Variants in IRF2 observed in about 807,000 individuals in gnomAD.
The protein encoded by IRF2 is interferon regulatory factor 2.
Under a neutral mutation model 40.6 loss-of-function variants are expected in IRF2, and 15 were observed. The ratio of observed to expected loss-of-function variants is 0.37; its 90% CI spans 0.25 to 0.57. IRF2 has a LOEUF of 0.57. Ranked by LOEUF, IRF2 falls within the 20% of genes least tolerant of loss-of-function variation. The probability of loss-of-function intolerance (pLI) is 0.77; values close to 1 mark genes in which losing one functional copy is unlikely to be tolerated. For synonymous variants in IRF2, 151 were observed against 165.5 expected, an observed-to-expected ratio of 0.91 and a Z score of 0.67; for missense variants, 317 against 455.7, an observed-to-expected ratio of 0.70 and a Z score of 2.77.
chr4:184,450,503 T>G (rs569344130), intron 1 of IRF2, among the ~76,000 whole-genome samples: 1 of 152,334 alleles, frequency 6.6e-6, no homozygotes, highest in African/African-American at 2.4e-5. Flanking sequence ...ATGCAAACTA[T>G]TTCTGCTTAT....
intron 1 of IRF2, among the ~76,000 whole-genome samples, chr4:184,469,216 G>C (rs1189104055): frequency 1.3e-5 from 2 of 152,176 alleles, no homozygotes; most frequent in Admixed American, 1.3e-4. Flanking sequence ...GCCTCAGAAA[G>C]CCTAACGGGA....
At chr4:184,421,000 T>G (rs1168497086) in intron 2 of IRF2, among the ~76,000 whole-genome samples, 1 of 152,234 alleles carries the variant, frequency 6.6e-6, no homozygotes, top group Non-Finnish European at 1.5e-5. Context: ...GAGACCTGGA[T>G]TCTGTGGAGA....
chr4:184,421,530 G>A (rs1737482238), intron 2 of IRF2, among the ~76,000 whole-genome samples: 1 of 152,146 alleles, frequency 6.6e-6, no homozygotes, highest in South Asian at 2.1e-4. Flanking sequence ...TTCATTTCGT[G>A]AAAGAGCTTT....
At chr4:184,444,228 T>TAA (rs1738420408) in intron 1 of IRF2, among the ~76,000 whole-genome samples, 1 of 152,118 alleles carries the variant, frequency 6.6e-6, no homozygotes, top group African/African-American at 2.4e-5. Context: ...TACAGTATAG[T>TAA]GATAAAAATG....
At chr4:184,443,424 G>A (rs1047118969) in intron 1 of IRF2, among the ~76,000 whole-genome samples, 2 of 152,080 alleles carry the variant, frequency 1.3e-5, no homozygotes, top group African/African-American at 4.8e-5. Flanking sequence ...ATGTCCATGT[G>A]TACTCAGTGT....
intron 1 of IRF2, among the ~76,000 whole-genome samples, chr4:184,466,352 A>G (rs1739321408): frequency 6.6e-6 from 1 of 152,128 alleles, no homozygotes; most frequent in South Asian, 2.1e-4. Flanking sequence ...CGCACGGCCA[A>G]TCCCATCTGT....
At chr4:184,432,995 A>G (rs1402503659) in intron 1 of IRF2, among the ~76,000 whole-genome samples, 1 of 152,212 alleles carries the variant, frequency 6.6e-6, no homozygotes. Context: ...GAGAGCTGCA[A>G]AGGCCCTGAG....
chr4:184,405,436 C>G (rs1736820817), intron 6 of IRF2, among the ~76,000 whole-genome samples: 1 of 152,136 alleles, frequency 6.6e-6, no homozygotes, highest in Admixed American at 6.5e-5. Flanking sequence ...GGAGACCCAC[C>G]ACCAACCTCA....
intron 1 of IRF2, among the ~76,000 whole-genome samples, chr4:184,460,771 T>C (rs956725972): frequency 2.0e-5 from 3 of 152,080 alleles, no homozygotes; most frequent in African/African-American, 7.2e-5. Context: ...CAGTTTCCCC[T>C]TCAAGGCAAT....
At position 184,463,656 on chromosome 4, in the gene IRF2, A is replaced by AT. The variant is rs1434354448; in HGVS notation, c.-7+10722dup. ...ATTGGACAATATCGTGCATATATAT[A>AT]TATTTTTTTTTTGATGGGCTGTGGT... On this transcript the variant is annotated intron_variant, in intron 1 of 8. Transcript: ENST00000393593. Among the ~76,000 whole-genome samples the AT allele has an allele frequency of 3.7e-4, 56 of 151,682 alleles. 1 individual carries two copies. The South Asian group carries it at 4.4e-3, about 12-fold the overall frequency.
At chr4:184,468,035 C>T (rs1173594423) in intron 1 of IRF2, among the ~76,000 whole-genome samples, 1 of 152,198 alleles carries the variant, frequency 6.6e-6, no homozygotes, top group Non-Finnish European at 1.5e-5. Context: ...TCTTTGTCAA[C>T]TCCGCTCTTT....
chr4:184,412,588 CA>C lies in IRF2; in HGVS notation c.412-4314del, dbSNP rs1405286656. ...CGTGTAGGCTGACAGCTGGACTTCA[CA>C]AGCAGGTCAGGGAACTGGACCTTGG... On this transcript the variant is annotated intron_variant, in intron 5 of 8. Coordinates refer to ENST00000393593, the MANE Select transcript of IRF2 (RefSeq NM_002199.4). Among the ~76,000 whole-genome samples the C allele has an allele frequency of 2.0e-5, 3 of 152,220 alleles. No individual in the cohort carries two copies. In the East Asian group the frequency reaches 5.8e-4, roughly 29 times the overall value.
intron 1 of IRF2, among the ~76,000 whole-genome samples, chr4:184,435,738 A>G (rs376038578): frequency 6.6e-6 from 1 of 152,150 alleles, no homozygotes; most frequent in South Asian, 2.1e-4. Flanking sequence ...ATTGAACATC[A>G]GGATGCAGCT....
chr4:184,418,306 G>C lies in IRF2; in HGVS notation c.365-93C>G, dbSNP rs972840348. The stretch of plus-strand genomic sequence containing the variant: ...TTAAATTCTTTCTGAAACTCTCAAT[G>C]AACCTGTTGCTTTAATCTGTACATG... On this transcript the variant is annotated intron_variant, in intron 4 of 8. Coordinates refer to ENST00000393593, the MANE Select transcript of IRF2 (RefSeq NM_002199.4). 5.5e-6 allele frequency: 6 copies of C among 1,084,572 alleles called. No individual in the cohort carries two copies. In the African/African-American group the frequency reaches 7.7e-5, roughly 14 times the overall value. 67.2% of individuals were successfully genotyped at this position (1,084,572 alleles called of 1,614,324 possible).
chr4:184,460,594 G>A (rs1439711671), intron 1 of IRF2, among the ~76,000 whole-genome samples: 2 of 151,540 alleles, frequency 1.3e-5, no homozygotes, highest in Non-Finnish European at 2.9e-5. Context: ...TTAATTTCAG[G>A]CAACTTAAAG....
At chr4:184,412,541 C>A (rs1185568344) in intron 5 of IRF2, among the ~76,000 whole-genome samples, 1 of 149,600 alleles carries the variant, frequency 6.7e-6, no homozygotes, top group Non-Finnish European at 1.5e-5. Flanking sequence ...TTAAGGACAT[C>A]TCTAAGTCTC....
At chr4:184,430,257 T>TGTATGC in intron 1 of IRF2, among the ~76,000 whole-genome samples, 1 of 133,404 alleles carries the variant, frequency 7.5e-6, no homozygotes, top group African/African-American at 2.7e-5. Context: ...CCCCTGGGCC[T>TGTATGC]CACCCTGGGC....
Position 184,425,978 on chromosome 4 carries a change from T to TTTTG in IRF2, c.87+2996_87+2999dup, listed in dbSNP as rs200905685. 1.5e-3 allele frequency among the ~76,000 whole-genome samples: 149 copies of TTTTG among 99,012 alleles called. 1 individual carries two copies. The highest frequency in any genetic ancestry group is 3.0e-3 in the African/African-American group (95 of 31,566). 65.0% of individuals were successfully genotyped at this position (99,012 alleles called of 152,430 possible). ...AGGTCTCTGCAGGGCTCACTCCGGT[T>TTTTG]TTTGTTTGTTTGTTTGTTTGTTTGT... On this transcript the variant is annotated intron_variant, in intron 2 of 8. Transcript: ENST00000393593.
chr4:184,450,933 G>T (rs1270696059), intron 1 of IRF2, among the ~76,000 whole-genome samples: 3 of 152,056 alleles, frequency 2.0e-5, no homozygotes, highest in Non-Finnish European at 2.9e-5. Flanking sequence ...CATTTCACAT[G>T]CCCTCCTCCT....
Sources: allele counts gnomAD v4.1 joint callset (sites outside exome capture counted in the v4.1 genomes callset), GRCh38; gene constraint gnomAD v4.1.1; transcripts MANE v1.5; gene names NCBI Gene and HGNC (gene_info 2026-07-23, HGNC 2026-07-21).